Variants in SLC24A2 observed in about 807,000 individuals in gnomAD.
SLC24A2 encodes the protein solute carrier family 24 member 2.
A neutral mutation model predicts 62.0 loss-of-function variants in SLC24A2; 36 were observed. The ratio of observed to expected loss-of-function variants is 0.58; its 90% confidence interval spans 0.44 to 0.77. The LOEUF is 0.77. SLC24A2 is among the 30% of genes least tolerant of loss of function. SLC24A2 has a pLI of 0.00. For missense variants in SLC24A2, 846 were observed against 817.9 expected, an observed-to-expected ratio of 1.03 and a Z score of -0.42; for synonymous variants, 358 against 294.0, an observed-to-expected ratio of 1.22 and a Z score of -2.23.
chr9:19,708,588 T>C (rs200145814), intron 2 of SLC24A2, among the ~76,000 whole-genome samples: 6 of 152,044 alleles, frequency 3.9e-5, no homozygotes, highest in East Asian at 1.9e-4. Flanking sequence ...ACAGAGCCCT[T>C]AGAAATAATG....
chr9:19,531,790 G>C (rs1054214367), intron 8 of SLC24A2, among the ~76,000 whole-genome samples: 4 of 138,320 alleles, frequency 2.9e-5, no homozygotes, highest in African/African-American at 1.1e-4. Flanking sequence ...TACCAGCAAT[G>C]TGACCTGAGA....
the SLC24A2 span, among the ~76,000 whole-genome samples, chr9:20,027,180 G>C: frequency 2.1e-4 from 32 of 151,926 alleles, no homozygotes; most frequent in African/African-American, 7.5e-4. Flanking sequence ...GGAGAAAAGA[G>C]AACCCTTGTA....
At chr9:19,548,140 A>T in intron 8 of SLC24A2, among the ~76,000 whole-genome samples, 1 of 151,692 alleles carries the variant, frequency 6.6e-6, no homozygotes, top group East Asian at 1.9e-4. Flanking sequence ...GCATTATTTA[A>T]GGGCCAAGGT....
chr9:20,157,425 T>A, the SLC24A2 span, among the ~76,000 whole-genome samples: 2 of 151,608 alleles, frequency 1.3e-5, no homozygotes, highest in African/African-American at 4.8e-5. Context: ...AGAGACTTCA[T>A]GAAAAACAGG....
chr9:20,104,043 A>G, the SLC24A2 span, among the ~76,000 whole-genome samples: 110 of 152,348 alleles, frequency 7.2e-4, no homozygotes, highest in Non-Finnish European at 1.2e-3. Context: ...CAAGAACTAC[A>G]TGAAGAATGC....
At chr9:20,229,610 T>C in the SLC24A2 span, among the ~76,000 whole-genome samples, 1 of 152,146 alleles carries the variant, frequency 6.6e-6, no homozygotes, top group Non-Finnish European at 1.5e-5. Flanking sequence ...ACTTTTCCTT[T>C]GAGCTTCCCA....
the SLC24A2 span, among the ~76,000 whole-genome samples, chr9:20,155,641 C>T: frequency 6.6e-6 from 1 of 151,576 alleles, no homozygotes; most frequent in Non-Finnish European, 1.5e-5. Flanking sequence ...TATTGTATGT[C>T]CTTAGGCATG....
intron 7 of SLC24A2, among the ~76,000 whole-genome samples, chr9:19,562,780 T>C (rs1389639448): frequency 6.6e-6 from 1 of 152,194 alleles, no homozygotes; most frequent in Non-Finnish European, 1.5e-5. Flanking sequence ...TTTAAGGCAG[T>C]CATAGTTCTA....
the SLC24A2 span, among the ~76,000 whole-genome samples, chr9:19,906,915 C>T: frequency 1.1e-4 from 17 of 152,168 alleles, no homozygotes; most frequent in Admixed American, 2.6e-4. Context: ...GAGCTGGCAC[C>T]ATTCCTTCTG....
chr9:20,155,082 G>A, the SLC24A2 span, among the ~76,000 whole-genome samples: 2 of 150,804 alleles, frequency 1.3e-5, no homozygotes, highest in Non-Finnish European at 3.0e-5. Context: ...AGGAAGGCAA[G>A]GGCTGTGTTT....
chr9:20,053,900 C>A, the SLC24A2 span, among the ~76,000 whole-genome samples: 2 of 152,206 alleles, frequency 1.3e-5, no homozygotes, highest in African/African-American at 4.8e-5. Context: ...ACATTAGCTG[C>A]TTTCCAATTC....
the SLC24A2 span, among the ~76,000 whole-genome samples, chr9:19,922,969 T>C: frequency 6.7e-6 from 1 of 149,618 alleles, no homozygotes; most frequent in Non-Finnish European, 1.5e-5. Context: ...TAAAGATGAA[T>C]ATATTCCTGT....
chr9:19,788,798 G>C lies in SLC24A2; in HGVS notation c.-154+87C>G, dbSNP rs977607600. 5.1e-6 allele frequency: 5 copies of C among 985,340 alleles called. No homozygotes were observed. The African/African-American group carries it at 7.0e-5, about 14-fold the overall frequency. The allele number at this position is 985,340 out of a possible 1,614,324, so 61.0% of individuals were successfully genotyped here. A position where few individuals can be genotyped will look rare whatever the true frequency, so the allele number is the denominator to read the frequency against. Reference sequence around the variant, plus strand: ...GCAGAGCCACCTGTGAGCCTGCAGAGCAGCAACGGGATGCGCGCAACCGGG... The same window carrying C: ...GCAGAGCCACCTGTGAGCCTGCAGACCAGCAACGGGATGCGCGCAACCGGG... On this transcript the variant is annotated intron_variant, in intron 1 of 10. Transcript: ENST00000341998.
At chr9:19,746,413 T>A (rs1821833993) in intron 2 of SLC24A2, among the ~76,000 whole-genome samples, 1 of 152,148 alleles carries the variant, frequency 6.6e-6, no homozygotes, top group Admixed American at 6.6e-5. Context: ...AATATCTCTA[T>A]GCTCTTAGGG....
chr9:20,252,952 T>C, the SLC24A2 span, among the ~76,000 whole-genome samples: 1,492 of 152,314 alleles, frequency 9.8e-3, 32 homozygotes, highest in African/African-American at 0.033. Flanking sequence ...GACCTTCCAA[T>C]GGGATCATTA....
intron 7 of SLC24A2, among the ~76,000 whole-genome samples, chr9:19,559,755 C>G (rs191310007): frequency 1.3e-5 from 2 of 152,174 alleles, no homozygotes; most frequent in Non-Finnish European, 2.9e-5. Flanking sequence ...AAACTCCCAC[C>G]CAAAACAGTG....
At chr9:19,707,969 C>T (rs1305564216) in intron 2 of SLC24A2, among the ~76,000 whole-genome samples, 1 of 152,124 alleles carries the variant, frequency 6.6e-6, no homozygotes, top group Non-Finnish European at 1.5e-5. Context: ...CAAATTGTCC[C>T]TGTTTGCAGA....
At chr9:20,248,408 C>G in the SLC24A2 span, among the ~76,000 whole-genome samples, 1 of 152,220 alleles carries the variant, frequency 6.6e-6, no homozygotes, top group Non-Finnish European at 1.5e-5. Flanking sequence ...TCTCACAGTT[C>G]TGGAGGTTGG....
the SLC24A2 span, among the ~76,000 whole-genome samples, chr9:20,146,087 G>A: frequency 2.0e-5 from 3 of 152,060 alleles, no homozygotes; most frequent in Non-Finnish European, 4.4e-5. Context: ...AAAAAAGGCT[G>A]CAATTAACAT....
Sources: gnomAD v4.1 joint callset for allele counts (sites outside exome capture counted in the v4.1 genomes callset) on GRCh38, gnomAD v4.1.1 for gene constraint, MANE v1.5 for transcripts, NCBI Gene and HGNC (gene_info 2026-07-23, HGNC 2026-07-21) for gene names.